ESR1: variants seen among roughly 807,000 people sequenced by gnomAD.
ESR1 encodes the protein estrogen receptor 1.
ESR1 carries 12 observed loss-of-function variants against 52.7 expected under a neutral mutation model. The observed-to-expected ratio is 0.23, with a 90% CI of 0.15 to 0.37. The LOEUF (loss-of-function observed/expected upper bound fraction) is 0.37, where lower values mean the gene tolerates loss of function less well. ESR1 is among the 10% of genes least tolerant of loss of function. The pLI is 1.00. For synonymous variants in ESR1, 305 were observed against 316.8 expected (o/e 0.96, Z 0.39); for missense variants, 584 against 779.7 (o/e 0.75, Z 2.99).
chr6:151,880,181 GTTTT>G (rs71017515), intron 2 of ESR1, among the ~76,000 whole-genome samples: 1 of 116,356 alleles, frequency 8.6e-6, no homozygotes, highest in African/African-American at 3.3e-5. Context: ...TTTTTGTTCT[GTTTT>G]TTTTTTTTTT....
At chr6:151,670,685 G>A (rs1046259306) in intron 1 of ESR1, among the ~76,000 whole-genome samples, 4 of 151,758 alleles carry the variant, frequency 2.6e-5, no homozygotes, top group Non-Finnish European at 5.9e-5. Context: ...CCGGAATCAA[G>A]TGATTCTCAT....
intron 6 of ESR1, among the ~76,000 whole-genome samples, chr6:152,119,262 C>T (rs992599622): frequency 6.6e-6 from 1 of 152,162 alleles, no homozygotes; most frequent in Non-Finnish European, 1.5e-5. Context: ...TCTCAGGCCT[C>T]GGCATGTTGA....
chr6:151,705,737 C>T (rs1780140382), intron 2 of ESR1, among the ~76,000 whole-genome samples: 1 of 152,110 alleles, frequency 6.6e-6, no homozygotes, highest in African/African-American at 2.4e-5. Context: ...AGCTGCAACC[C>T]AGTAAATATA....
At chr6:151,827,920 G>A (rs1781780234) in intron 1 of ESR1, among the ~76,000 whole-genome samples, 1 of 152,122 alleles carries the variant, frequency 6.6e-6, no homozygotes, top group African/African-American at 2.4e-5. Flanking sequence ...TTTCATAAAT[G>A]TTATACAATG....
intron 2 of ESR1, among the ~76,000 whole-genome samples, chr6:151,850,045 T>TTTATATATATATAAAA (rs1562474133): frequency 4.4e-5 from 1 of 22,624 alleles, no homozygotes; most frequent in African/African-American, 1.3e-4. Context: ...TATATATAAT[T>TTTATATATATATAAAA]TTATATATAT....
intron 1 of ESR1, among the ~76,000 whole-genome samples, chr6:151,811,755 A>G (rs975006670): frequency 3.3e-5 from 5 of 152,154 alleles, no homozygotes; most frequent in African/African-American, 1.2e-4. Flanking sequence ...ATTGTTACTG[A>G]TTACGTGACA....
In ESR1 at chr6:151,829,962, A is replaced by G. The variant is rs1174147938; in HGVS notation, c.453-12635A>G. Reference sequence around the variant, plus strand: ...CCTAATGACACACAGATTCCCAAATAATTTTTGTAGTAAAAATTTCCATTT... The same window carrying G: ...CCTAATGACACACAGATTCCCAAATGATTTTTGTAGTAAAAATTTCCATTT... On this transcript the variant is annotated intron_variant, in intron 1 of 7. Transcript: ENST00000206249. 4.6e-5 allele frequency among the ~76,000 whole-genome samples: 7 copies of G among 152,214 alleles called. No individual in the cohort carries two copies. The East Asian group carries it at 1.3e-3, about 29-fold the overall frequency.
At chr6:151,701,615 C>A (rs996160503) in intron 1 of ESR1, among the ~76,000 whole-genome samples, 3 of 150,912 alleles carry the variant, frequency 2.0e-5, no homozygotes, top group Non-Finnish European at 2.9e-5. Flanking sequence ...ATGGCCTGTG[C>A]GTGAATGAAG....
chr6:152,085,732 G>A (rs1010010800), intron 6 of ESR1, among the ~76,000 whole-genome samples: 5 of 152,112 alleles, frequency 3.3e-5, no homozygotes, highest in African/African-American at 9.7e-5. Flanking sequence ...AGCCTTCTAC[G>A]ACATGCACTT....
chr6:151,711,607 A>G lies in ESR1; in HGVS notation c.-71+9602A>G, dbSNP rs189478181. On this transcript the variant is annotated intron_variant, in intron 2 of 2. Coordinates refer to the ESR1 transcript ENST00000404742. ...TTTGATTTGCATTTCTCTAATGACC[A>G]GTGATGATGAGCTTTTTTTCATATG... Among the ~76,000 whole-genome samples the G allele has an allele frequency of 1.2e-3, 182 of 152,292 alleles. 3 individuals are homozygous for G. The highest frequency in any genetic ancestry group is 0.012 in the Admixed American group (180 of 15,304).
chr6:151,939,836 C>T (rs1477195282), intron 3 of ESR1, among the ~76,000 whole-genome samples: 24 of 151,974 alleles, frequency 1.6e-4, no homozygotes, highest in Admixed American at 1.4e-3. Context: ...TTCAAAATCT[C>T]TGTTTAACTG....
intron 1 of ESR1, chr6:151,811,029 T>C (rs1423859786): frequency 1.3e-5 from 2 of 152,256 alleles, no homozygotes; most frequent in African/African-American, 2.4e-5. Context: ...TCATGTGGAC[T>C]GTCCTCCCGA....
At chr6:151,954,238 T>C (rs2036653093) in intron 4 of ESR1, among the ~76,000 whole-genome samples, 1 of 152,202 alleles carries the variant, frequency 6.6e-6, no homozygotes, top group South Asian at 2.1e-4. Context: ...ATACTTCTCT[T>C]AGGAACATTC....
chr6:152,008,389 G>A (rs151232063), intron 4 of ESR1, among the ~76,000 whole-genome samples: 9 of 152,128 alleles, frequency 5.9e-5, no homozygotes, highest in Non-Finnish European at 4.4e-5. Flanking sequence ...CGAGCAATCC[G>A]GCTGGCCTCC....
At chr6:151,692,899 G>A (rs926999426) in intron 1 of ESR1, among the ~76,000 whole-genome samples, 3 of 152,154 alleles carry the variant, frequency 2.0e-5, no homozygotes, top group Non-Finnish European at 4.4e-5. Context: ...AAAAATATTC[G>A]CTGGAAAGCT....
intron 2 of ESR1, among the ~76,000 whole-genome samples, chr6:151,726,887 C>T (rs1159327): frequency 0.32 from 48,154 of 151,888 alleles, 8,307 homozygotes; most frequent in African/African-American, 0.45. Context: ...TAGGATCCTT[C>T]ACTACAATGG....
chr6:152,072,126 G>A (rs1329972715), intron 6 of ESR1, among the ~76,000 whole-genome samples: 3 of 152,170 alleles, frequency 2.0e-5, no homozygotes, highest in Non-Finnish European at 4.4e-5. Flanking sequence ...GCCACAGTCA[G>A]GAATTTCTAC....
At chr6:151,691,388 G>A (rs1448238354) in intron 1 of ESR1, among the ~76,000 whole-genome samples, 1 of 152,188 alleles carries the variant, frequency 6.6e-6, no homozygotes, top group Non-Finnish European at 1.5e-5. Context: ...TTTCATTTTG[G>A]TTAGAGGAAT....
At chr6:152,083,313 C>T (rs2049399234) in intron 6 of ESR1, among the ~76,000 whole-genome samples, 2 of 152,180 alleles carry the variant, frequency 1.3e-5, no homozygotes, top group South Asian at 2.1e-4. Context: ...TGACACCACA[C>T]ATCTGCAACC....
Sources: allele counts gnomAD v4.1 joint callset (sites outside exome capture counted in the v4.1 genomes callset), GRCh38; gene constraint gnomAD v4.1.1; transcripts MANE v1.5; gene names NCBI Gene and HGNC (gene_info 2026-07-23, HGNC 2026-07-21).